The following SLK variants were observed in gnomAD, a reference collection of about 807,000 sequenced individuals.
The protein encoded by SLK is STE20 like kinase, also known as STE20-like serine/threonine-protein kinase.
SLK carries 67 observed loss-of-function variants against 147.7 expected under a neutral mutation model. The observed-to-expected ratio is 0.45, with a 90% CI of 0.37 to 0.56. SLK has a LOEUF of 0.56. Among genes scored for constraint, SLK ranks in the 20% least tolerant of loss-of-function variants. The pLI, the probability that SLK is intolerant of heterozygous loss-of-function variation, is 0.00. For missense variants in SLK, 1,136 were observed against 1,438.8 expected (o/e 0.79, Z 3.41); for synonymous variants, 441 against 475.0 (o/e 0.93, Z 0.93).
chr10:103,975,327 C>T (rs1052976140), intron 1 of SLK, among the ~76,000 whole-genome samples: 1 of 152,094 alleles, frequency 6.6e-6, no homozygotes, highest in African/African-American at 2.4e-5. Flanking sequence ...CTCCTTCTGT[C>T]TTCCCACTCA....
chr10:104,014,066 G>T (rs533651251), intron 13 of SLK, among the ~76,000 whole-genome samples: 1 of 152,224 alleles, frequency 6.6e-6, no homozygotes, highest in South Asian at 2.1e-4. Context: ...TCTAATTTGG[G>T]ATTTTCATGT....
chr10:103,985,589 G>A (rs1216836104), intron 1 of SLK, among the ~76,000 whole-genome samples: 1 of 151,858 alleles, frequency 6.6e-6, no homozygotes, highest in Non-Finnish European at 1.5e-5. Context: ...GATTCCTTTT[G>A]TATTTATCTT....
At chr10:103,974,568 T>G in intron 1 of SLK, 1 of 82,576 alleles carries the variant, frequency 1.2e-5, no homozygotes, top group African/African-American at 4.7e-5. Context: ...TGAGCCGAGA[T>G]TGCGCCACTG....
chr10:104,023,719 C>G (rs1359418267), intron 18 of SLK, among the ~76,000 whole-genome samples: 3 of 152,140 alleles, frequency 2.0e-5, no homozygotes, highest in Non-Finnish European at 4.4e-5. Flanking sequence ...TATCTGCTCT[C>G]CTTTCTTTGT....
At chr10:103,974,209 A>C (rs1843829937) in intron 1 of SLK, among the ~76,000 whole-genome samples, 1 of 151,594 alleles carries the variant, frequency 6.6e-6, no homozygotes, top group Admixed American at 6.6e-5. Flanking sequence ...CCCAATAATG[A>C]CTCTTGCCAT....
chr10:104,002,979 C>T lies in SLK; in HGVS notation c.1801C>T (p.Pro601Ser), dbSNP rs1844272680. 6.2e-7 allele frequency: 1 copy of T among 1,613,310 alleles called. No individual in the cohort carries two copies. The highest frequency in any genetic ancestry group is 1.3e-5 in the African/African-American group (1 of 74,860). The change falls in exon 9 of 19, where the codon CCT (proline) becomes TCT (serine). Residue 601 changes from proline to serine, a missense_variant. Transcript: ENST00000369755. The part of the protein sequence containing the change: ...GPEAGGTKEV[P>S]IKEIVEMNEI... ...TGAGGCTGGTGGTACTAAGGAAGTT[C>T]CTATTAAAGAAATAGTTGAAATGAA...
chr10:103,988,470 AC>A (rs1287982171), intron 1 of SLK, among the ~76,000 whole-genome samples: 1 of 112,288 alleles, frequency 8.9e-6, no homozygotes, highest in Non-Finnish European at 2.2e-5. Flanking sequence ...CTGATTTTTC[AC>A]AAAAAAAATT....
intron 4 of SLK, among the ~76,000 whole-genome samples, chr10:103,997,850 G>A (rs991192436): frequency 3.3e-5 from 5 of 151,514 alleles, no homozygotes; most frequent in Non-Finnish European, 7.4e-5. Flanking sequence ...AATTTTGGGG[G>A]CATTTTTTTT....
At chr10:103,995,583 T>C (rs1462646192) in intron 4 of SLK, among the ~76,000 whole-genome samples, 2 of 151,924 alleles carry the variant, frequency 1.3e-5, no homozygotes, top group Non-Finnish European at 2.9e-5. Flanking sequence ...TGTACCACCA[T>C]GCCCAGCTAA....
At chr10:103,984,774 A>C (rs1197995530) in intron 1 of SLK, among the ~76,000 whole-genome samples, 1 of 152,100 alleles carries the variant, frequency 6.6e-6, no homozygotes, top group Non-Finnish European at 1.5e-5. Context: ...ATACTGATTT[A>C]TTTGTTGACT....
chr10:103,968,497 A>G (rs1309716720), intron 1 of SLK, among the ~76,000 whole-genome samples: 3 of 152,248 alleles, frequency 2.0e-5, no homozygotes, highest in Non-Finnish European at 2.9e-5. Flanking sequence ...AGCATTGACT[A>G]GAAGTCAGTA....
intron 13 of SLK, among the ~76,000 whole-genome samples, chr10:104,014,528 CT>C (rs1844437899): frequency 1.3e-5 from 2 of 152,094 alleles, no homozygotes; most frequent in Non-Finnish European, 2.9e-5. Flanking sequence ...AGCTGTTTGA[CT>C]TTTTACTGTT....
At chr10:104,008,041 CTT>C (rs1052788248) in intron 11 of SLK, 134 bp from the exon 12 acceptor site, 6 of 591,106 alleles carry the variant, frequency 1.0e-5, no homozygotes, top group Admixed American at 6.0e-5. Flanking sequence ...GTGCATTTGA[CTT>C]TTTCAGTATT....
chr10:104,002,729 T>C lies in SLK; in HGVS notation c.1551T>C (p.Asp517=), dbSNP rs1181108608. Residue 517 remains aspartate, a synonymous_variant, in exon 9 of 19, where the codon GAT becomes GAC. Coordinates refer to ENST00000369755, the MANE Select transcript of SLK (RefSeq NM_014720.4). The part of the protein sequence containing the change: ...GEKEANIQAV[D]SEVGLTKEDT... ...AAGAGGCAAATATTCAGGCAGTTGA[T>C]AGTGAAGTTGGGCTTACAAAGGAAG... is the stretch of plus-strand genomic sequence containing the variant. 3 of 1,613,596 alleles carry C rather than the reference T, an allele frequency of 1.9e-6. No homozygotes were observed. The highest frequency in any genetic ancestry group is 1.6e-4 in the Middle Eastern group (1 of 6,062).
At chr10:104,005,051 T>G (rs550464709) in intron 9 of SLK, among the ~76,000 whole-genome samples, 96 of 152,238 alleles carry the variant, frequency 6.3e-4, no homozygotes, top group African/African-American at 2.1e-3. Context: ...CTGGCAGTGT[T>G]TAAAAATTAC....
chr10:104,007,340 T>G (rs1252165731), intron 11 of SLK, among the ~76,000 whole-genome samples: 2 of 152,144 alleles, frequency 1.3e-5, no homozygotes, highest in African/African-American at 2.4e-5. Context: ...GCGCAGTGCC[T>G]TATTCCTGTA....
At chr10:103,971,553 T>C (rs1444199191) in intron 1 of SLK, among the ~76,000 whole-genome samples, 2 of 152,356 alleles carry the variant, frequency 1.3e-5, no homozygotes, top group East Asian at 3.9e-4. Context: ...ATTAGAGGCA[T>C]GAGCCACTGC....
chr10:104,020,802 A>ATAACC (rs919005958), intron 17 of SLK, among the ~76,000 whole-genome samples, 189 bp downstream of exon 17: 1 of 152,180 alleles, frequency 6.6e-6, no homozygotes, highest in Non-Finnish European at 1.5e-5. Context: ...TAGATTATAT[A>ATAACC]TAACCATGAT....
rs1385639038 is a variant in SLK at position 104,028,010 on chromosome 10, G to A, written c.*2290G>A. On this transcript the variant is annotated 3_prime_UTR_variant, in exon 19 of 19. Coordinates refer to ENST00000369755, the MANE Select transcript of SLK (RefSeq NM_014720.4). ...TAAAGCATTCATTTTAATACTTAAA[G>A]TTATATAAATCTTTTCAAAAAGTGT... The A allele has an allele frequency of 6.6e-6, 1 of 152,158 alleles. No individual in the cohort carries two copies. The highest frequency in any genetic ancestry group is 1.5e-5 in the Non-Finnish European group (1 of 68,032). 9.4% of individuals were successfully genotyped at this position (152,158 alleles called of 1,614,324 possible). A position where few individuals can be genotyped will look rare whatever the true frequency, so the allele number is the denominator to read the frequency against.
Sources: gnomAD v4.1 joint callset for allele counts (sites outside exome capture counted in the v4.1 genomes callset) on GRCh38, gnomAD v4.1.1 for gene constraint, MANE v1.5 for transcripts, NCBI Gene and HGNC (gene_info 2026-07-23, HGNC 2026-07-21) for gene names.